Variants in RHBDD1 observed in about 807,000 individuals in gnomAD.
RHBDD1 encodes the protein rhomboid domain containing 1, also known as rhomboid-related protein 4.
In RHBDD1, 38 loss-of-function variants were observed where a neutral mutation model predicts 36.3. The ratio of observed to expected loss-of-function variants is 1.05; its 90% confidence interval spans 0.81 to 1.37. The LOEUF (loss-of-function observed/expected upper bound fraction) is 1.37. Ranked by LOEUF, RHBDD1 falls within the 40% of genes most tolerant of loss-of-function variation. The pLI, the probability that RHBDD1 is intolerant of heterozygous loss-of-function variation, is 0.00. For synonymous variants in RHBDD1, 151 were observed against 136.5 expected (o/e 1.11, Z -0.74); for missense variants, 393 against 377.6 (o/e 1.04, Z -0.34).
the RHBDD1 span, among the ~76,000 whole-genome samples, chr2:226,810,454 C>T: frequency 4.8e-5 from 7 of 145,166 alleles, no homozygotes; most frequent in African/African-American, 1.8e-4. Context: ...GCAGGAGAAT[C>T]GCTTGAACCC....
chr2:226,974,605 A>G (rs1954220555), intron 8 of RHBDD1, among the ~76,000 whole-genome samples: 1 of 152,170 alleles, frequency 6.6e-6, no homozygotes, highest in South Asian at 2.1e-4. Context: ...TTCGTTGAAC[A>G]AGGATGTACA....
Position 226,905,970 on chromosome 2 carries a change from G to T in RHBDD1, c.567-823G>T, listed in dbSNP as rs184991278. ...GCTTAAAGAACAACTCGTTGTGTAG[G>T]ACCCCCCCCTTTGTGGTAACAGCAG... On this transcript the variant is annotated intron_variant, in intron 5 of 8. Transcript: ENST00000392062. Among the ~76,000 whole-genome samples, 822 of 149,658 alleles carry T rather than the reference G, an allele frequency of 5.5e-3. 9 individuals carry two copies. The highest frequency in any genetic ancestry group is 8.8e-3 in the Non-Finnish European group (595 of 67,428).
intron 5 of RHBDD1, among the ~76,000 whole-genome samples, chr2:226,874,805 C>T (rs144740232): frequency 2.2e-4 from 33 of 152,302 alleles, no homozygotes; most frequent in African/African-American, 7.7e-4. Context: ...CAGCCTACTA[C>T]AGCATAAACA....
chr2:226,997,265 TATTC>T lies in RHBDD1; in HGVS notation c.*1745_*1748del, dbSNP rs1959619182. On this transcript the variant is annotated 3_prime_UTR_variant, in exon 9 of 9. Coordinates refer to ENST00000392062, the MANE Select transcript of RHBDD1 (RefSeq NM_001167608.3). ...AGCTTTAAATGTGTTTAAATTAAAA[TATTC>T]AAGCTAAATGTTACTGCTCTCTCCC... 1 of 152,224 alleles carries T rather than the reference TATTC, an allele frequency of 6.6e-6. No homozygotes were observed. Among genetic ancestry groups the T allele is most frequent in the Non-Finnish European group, 1.5e-5 (1 of 68,032 alleles). The allele number at this position is 152,224 out of a possible 1,614,324, so 9.4% of individuals were successfully genotyped here. A position where few individuals can be genotyped will look rare whatever the true frequency, so the allele number is the denominator to read the frequency against.
chr2:226,833,949 T>C (rs16822720), upstream of RHBDD1, among the ~76,000 whole-genome samples: 6,291 of 152,266 alleles, frequency 0.041, 443 homozygotes, highest in African/African-American at 0.14. Flanking sequence ...AAAGAGAAGG[T>C]CATTTTTTAA....
intron 8 of RHBDD1, among the ~76,000 whole-genome samples, chr2:226,919,936 T>A (rs1012835579): frequency 3.3e-5 from 5 of 152,112 alleles, no homozygotes; most frequent in Non-Finnish European, 7.4e-5. Context: ...TTAACAATAT[T>A]GAGTCTTCCA....
At chr2:226,956,441 G>T (rs1222873276) in intron 8 of RHBDD1, among the ~76,000 whole-genome samples, 1 of 152,198 alleles carries the variant, frequency 6.6e-6, no homozygotes, top group Non-Finnish European at 1.5e-5. Context: ...CAAGCCTGGT[G>T]TTATCAGGTG....
At chr2:226,899,625 C>A (rs1346658615) in intron 5 of RHBDD1, among the ~76,000 whole-genome samples, 2 of 152,146 alleles carry the variant, frequency 1.3e-5, no homozygotes, top group African/African-American at 4.8e-5. Context: ...AAGAGAAAAT[C>A]TTTGAAAACT....
intron 8 of RHBDD1, among the ~76,000 whole-genome samples, chr2:226,972,714 G>A (rs1953782964): frequency 1.3e-5 from 2 of 152,152 alleles, no homozygotes; most frequent in Admixed American, 1.3e-4. Flanking sequence ...ACAGTGAACG[G>A]CACAGACTGG....
At chr2:226,952,694 G>C (rs1024475235) in intron 8 of RHBDD1, among the ~76,000 whole-genome samples, 1 of 152,154 alleles carries the variant, frequency 6.6e-6, no homozygotes, top group Non-Finnish European at 1.5e-5. Flanking sequence ...CCTATATTGT[G>C]CCAGGTATGA....
intron 8 of RHBDD1, among the ~76,000 whole-genome samples, chr2:226,956,856 C>T (rs1211877860): frequency 1.3e-5 from 2 of 152,180 alleles, no homozygotes; most frequent in Admixed American, 6.5e-5. Flanking sequence ...GTTAGACCAG[C>T]TCTTTGGCAA....
intron 8 of RHBDD1, among the ~76,000 whole-genome samples, chr2:226,958,517 C>T (rs977552761): frequency 6.6e-6 from 1 of 152,042 alleles, no homozygotes; most frequent in Non-Finnish European, 1.5e-5. Context: ...TTGAATTGTC[C>T]ACTCTAAGTA....
At chr2:226,810,200 G>C in the RHBDD1 span, among the ~76,000 whole-genome samples, 2 of 152,102 alleles carry the variant, frequency 1.3e-5, no homozygotes, top group African/African-American at 2.4e-5. Context: ...CACATATTTT[G>C]TATCTGCATT....
chr2:226,908,583 A>G (rs1948241986), intron 6 of RHBDD1: 2 of 79,000 alleles, frequency 2.5e-5, no homozygotes, highest in Admixed American at 2.5e-4. Context: ...ATTTTCCACT[A>G]CACACACACA....
At chr2:226,920,499 T>G (rs1007490446) in intron 8 of RHBDD1, among the ~76,000 whole-genome samples, 2 of 152,152 alleles carry the variant, frequency 1.3e-5, no homozygotes, top group African/African-American at 4.8e-5. Context: ...TTTTTCCCCT[T>G]TCAACATGAT....
chr2:226,840,569 A>G (rs1170538677), intron 3 of RHBDD1, among the ~76,000 whole-genome samples: 3 of 152,172 alleles, frequency 2.0e-5, no homozygotes, highest in African/African-American at 4.8e-5. Flanking sequence ...TTTGCCATCT[A>G]TGGATAAAGA....
upstream of RHBDD1, among the ~76,000 whole-genome samples, chr2:226,832,916 CAGG>C (rs1940778014): frequency 6.6e-6 from 1 of 152,050 alleles, no homozygotes; most frequent in African/African-American, 2.4e-5. Context: ...GAAGCTGAGG[CAGG>C]AGAATTGCTT....
At chr2:226,828,195 T>A in the RHBDD1 span, among the ~76,000 whole-genome samples, 1 of 152,200 alleles carries the variant, frequency 6.6e-6, no homozygotes, top group Non-Finnish European at 1.5e-5. Flanking sequence ...TTCCAGACAT[T>A]TCATGTAAAT....
chr2:226,852,213 G>T (rs962672785), intron 3 of RHBDD1, among the ~76,000 whole-genome samples: 1 of 152,074 alleles, frequency 6.6e-6, no homozygotes, highest in African/African-American at 2.4e-5. Flanking sequence ...CATTTCTGAG[G>T]CTTAGAATAG....
Sources: gnomAD v4.1 joint callset for allele counts (sites outside exome capture counted in the v4.1 genomes callset) on GRCh38, gnomAD v4.1.1 for gene constraint, MANE v1.5 for transcripts, NCBI Gene and HGNC (gene_info 2026-07-23, HGNC 2026-07-21) for gene names.